Variants in TFDP2 observed in about 807,000 individuals in gnomAD.
TFDP2 encodes the protein transcription factor Dp-2.
TFDP2 carries 17 observed loss-of-function variants against 59.3 expected under a neutral mutation model. That is an observed-to-expected ratio of 0.29 (90% CI 0.20 to 0.43). TFDP2 has a LOEUF of 0.43. Among genes scored for constraint, TFDP2 ranks in the 20% least tolerant of loss-of-function variants. TFDP2 has a pLI of 1.00. For missense variants in TFDP2, 391 were observed against 528.8 expected (o/e 0.74, Z 2.56); for synonymous variants, 180 against 194.7 (o/e 0.92, Z 0.63).
intron 1 of TFDP2, among the ~76,000 whole-genome samples, chr3:142,144,617 A>G (rs1186419970): frequency 2.0e-5 from 3 of 152,036 alleles, no homozygotes; most frequent in Non-Finnish European, 4.4e-5. Flanking sequence ...TCACAGCTCA[A>G]TGCAGCCTTG....
intron 3 of TFDP2, among the ~76,000 whole-genome samples, chr3:142,063,411 T>C (rs1039491486): frequency 2.6e-5 from 4 of 152,196 alleles, no homozygotes; most frequent in African/African-American, 9.6e-5. Context: ...ACTTAATGGC[T>C]ACAAAATTAG....
intron 3 of TFDP2, among the ~76,000 whole-genome samples, chr3:142,028,405 C>G (rs1434141434): frequency 6.7e-6 from 1 of 150,154 alleles, no homozygotes; most frequent in Non-Finnish European, 1.5e-5. Flanking sequence ...CCTCCCCCCC[C>G]ACCCCAACCC....
At chr3:142,025,166 C>A (rs1945975741) in intron 3 of TFDP2, among the ~76,000 whole-genome samples, 1 of 152,056 alleles carries the variant, frequency 6.6e-6, no homozygotes, top group Non-Finnish European at 1.5e-5. Flanking sequence ...TCAGACACTC[C>A]CAACCAATTT....
chr3:142,071,115 C>T (rs2060233301), intron 3 of TFDP2, among the ~76,000 whole-genome samples: 1 of 151,450 alleles, frequency 6.6e-6, no homozygotes, highest in East Asian at 1.9e-4. Flanking sequence ...GGATAGGTGT[C>T]TGGGATAAGA....
intron 4 of TFDP2, among the ~76,000 whole-genome samples, chr3:142,003,483 G>C (rs894460982): frequency 6.6e-6 from 1 of 152,154 alleles, no homozygotes; most frequent in Non-Finnish European, 1.5e-5. Context: ...AGCCCTCATA[G>C]CTTAATCACT....
At chr3:142,037,269 C>A (rs1005352681) in intron 3 of TFDP2, among the ~76,000 whole-genome samples, 14 of 152,178 alleles carry the variant, frequency 9.2e-5, no homozygotes, top group Middle Eastern at 3.4e-3. Context: ...GATATAATTC[C>A]TAGCCTCAGG....
chr3:142,000,239 A>G lies in TFDP2; in HGVS notation c.187-5098T>C, dbSNP rs1194578528. 5.7e-6 allele frequency: 4 copies of G among 700,548 alleles called. No homozygotes were observed. In the East Asian group the frequency reaches 1.1e-4, roughly 19 times the overall value. The allele number at this position is 700,548 out of a possible 1,614,324, so 43.4% of individuals were successfully genotyped here. On this transcript the variant is annotated intron_variant, in intron 4 of 12. Transcript: ENST00000489671. Reference sequence around the variant, plus strand: ...ACTGGGTAATTTACAAACCACAGAAATTTATTGCTCACTGTTCTGGAGGTT... The same window carrying G: ...ACTGGGTAATTTACAAACCACAGAAGTTTATTGCTCACTGTTCTGGAGGTT...
chr3:142,048,656 C>A (rs1947466145), intron 3 of TFDP2, among the ~76,000 whole-genome samples: 1 of 152,232 alleles, frequency 6.6e-6, no homozygotes, highest in African/African-American at 2.4e-5. Flanking sequence ...ACCTTGACTT[C>A]CCAGGCTCAA....
Position 142,132,601 on chromosome 3 carries a change from C to A in TFDP2, c.-93+16582G>T, listed in dbSNP as rs531906159. On this transcript the variant is annotated intron_variant, in intron 1 of 12. Transcript: ENST00000489671. ...TCTAGAAAAAATACAAAAAATTAGC[C>A]GGGCATGGTGGTAAGCGCCTGTAGT... is the stretch of plus-strand genomic sequence containing the variant. Among the ~76,000 whole-genome samples, 7 of 148,808 alleles carry A rather than the reference C, an allele frequency of 4.7e-5. 1 individual carries two copies. In the South Asian group the frequency reaches 1.5e-3, roughly 31 times the overall value.
At position 142,120,233 on chromosome 3, in the gene TFDP2, G is replaced by C. The variant is rs1053231786; in HGVS notation, c.-92-18392C>G. ...AAAAATTAGCTGGGCTTGGTGGTGG[G>C]CGCCTGTAGTCCCAGCTACTCCAGA... is the stretch of plus-strand genomic sequence containing the variant. On this transcript the variant is annotated intron_variant, in intron 1 of 12. Transcript: ENST00000489671. Among the ~76,000 whole-genome samples the C allele has an allele frequency of 4.0e-5, 6 of 151,460 alleles. No homozygotes were observed. In the South Asian group the frequency reaches 1.3e-3, roughly 32 times the overall value.
chr3:142,034,528 CA>C (rs1235212279), intron 3 of TFDP2, among the ~76,000 whole-genome samples: 1 of 151,886 alleles, frequency 6.6e-6, no homozygotes, highest in Non-Finnish European at 1.5e-5. Context: ...TAAAACAAAA[CA>C]AAAAAACAAA....
At chr3:142,015,896 G>A (rs1945094069) in intron 3 of TFDP2, among the ~76,000 whole-genome samples, 1 of 152,206 alleles carries the variant, frequency 6.6e-6, no homozygotes. Flanking sequence ...CATCTAAACT[G>A]AGATGTGCTC....
At chr3:141,957,105 C>A (rs964072693) in intron 11 of TFDP2, among the ~76,000 whole-genome samples, 1 of 151,980 alleles carries the variant, frequency 6.6e-6, no homozygotes, top group Non-Finnish European at 1.5e-5. Context: ...TGAATTCAGG[C>A]CAAGAGTTCC....
intron 2 of TFDP2, among the ~76,000 whole-genome samples, chr3:142,101,196 GA>G (rs2061306387): frequency 6.6e-6 from 1 of 152,024 alleles, no homozygotes; most frequent in African/African-American, 2.4e-5. Flanking sequence ...CATACAACTT[GA>G]AAGGAGGTAT....
chr3:141,964,519 G>T (rs1217141723), intron 9 of TFDP2, among the ~76,000 whole-genome samples: 1 of 152,152 alleles, frequency 6.6e-6, no homozygotes, highest in East Asian at 1.9e-4. Flanking sequence ...GGGCATGGTG[G>T]TATGTGCCTA....
chr3:142,092,947 G>A (rs1447502118), intron 3 of TFDP2, 114 bp downstream of exon 3: 10 of 695,290 alleles, frequency 1.4e-5, no homozygotes, highest in South Asian at 2.3e-5. Flanking sequence ...ATGGAACAAC[G>A]TGCTAATATC....
chr3:142,093,978 G>T (rs768701396), intron 2 of TFDP2: 1 of 509,076 alleles, frequency 2.0e-6, no homozygotes, highest in Non-Finnish European at 3.9e-6. Flanking sequence ...TATACTTGAG[G>T]GACTACCCAC....
intron 1 of TFDP2, among the ~76,000 whole-genome samples, chr3:142,115,763 T>C (rs1232926014): frequency 6.6e-6 from 1 of 152,252 alleles, no homozygotes; most frequent in East Asian, 1.9e-4. Context: ...ACTATTGCTG[T>C]TAAATGTTAC....
chr3:141,967,816 A>C (rs1387266514), intron 9 of TFDP2, among the ~76,000 whole-genome samples: 2 of 152,176 alleles, frequency 1.3e-5, no homozygotes, highest in East Asian at 3.8e-4. Flanking sequence ...AGAGGTAAGC[A>C]GGGAAAAAAT....
Sources: allele counts gnomAD v4.1 joint callset (sites outside exome capture counted in the v4.1 genomes callset), GRCh38; gene constraint gnomAD v4.1.1; transcripts MANE v1.5; gene names NCBI Gene and HGNC (gene_info 2026-07-23, HGNC 2026-07-21).